The following ADGRF3 variants were observed in gnomAD, a reference collection of about 807,000 sequenced individuals.
ADGRF3 encodes adhesion G protein-coupled receptor F3.
A neutral mutation model predicts 93.2 loss-of-function variants in ADGRF3; 85 were observed. The observed-to-expected ratio is 0.91, with a 90% confidence interval of 0.77 to 1.09. The LOEUF is 1.09. ADGRF3 is among the 50% of genes least tolerant of loss of function. The probability of loss-of-function intolerance (pLI) is 0.00; values close to 1 mark genes in which losing one functional copy is unlikely to be tolerated. For synonymous variants in ADGRF3, 534 were observed against 532.5 expected (o/e 1.00, Z -0.04); for missense variants, 1,125 against 1,246.2 (o/e 0.90, Z 1.46).
At position 26,313,483 on chromosome 2, in the gene ADGRF3, C is replaced by T; in HGVS notation, c.1163G>A (p.Ser388Asn). ...GAGCCTCCTCACTATGCCCCTCTTG[C>T]TCTCAGGACATGGGGCCTGTGCCAC... ...GHVAQAPCPE[S>N]KRGIVRRLCG... The change falls in exon 8 of 14, where the codon AGC becomes AAC. Residue 388 changes from serine to asparagine, a missense_variant. Ser to Asn is a conservative substitution (Grantham distance 46). Transcript: ENST00000651242. The T allele has an allele frequency of 6.2e-7, 1 of 1,611,792 alleles. No homozygotes were observed. The highest frequency in any genetic ancestry group is 8.5e-7 in the Non-Finnish European group (1 of 1,179,106).
chr2:26,314,392 G>T, intron 6 of ADGRF3, 22 bp downstream of exon 6: 1 of 1,599,950 alleles, frequency 6.3e-7, no homozygotes, highest in South Asian at 1.1e-5. Context: ...TCTGACCCCT[G>T]ACTGCTGGCC....
chr2:26,332,907 A>G (rs1675848253), intron 1 of ADGRF3, among the ~76,000 whole-genome samples: 1 of 152,112 alleles, frequency 6.6e-6, no homozygotes, highest in Non-Finnish European at 1.5e-5. Context: ...ACTAGCCTCC[A>G]TGGCTAACCC....
intron 13 of ADGRF3, 163 bp downstream of exon 13, chr2:26,309,363 C>A (rs567198942): frequency 2.0e-6 from 3 of 1,485,452 alleles, no homozygotes; most frequent in South Asian, 2.7e-5. Context: ...CGTCTCCCAG[C>A]CATCTAGCAA....
rs540093136 is a variant in ADGRF3, at chr2:26,314,548, G to T, written c.794C>A (p.Ala265Glu). Residue 265 changes from alanine to glutamate, a missense_variant, in exon 6 of 14, where the codon GCG (alanine) becomes GAG (glutamate). By Grantham distance (107) the Ala-to-Glu change is moderately radical (BLOSUM62 -1). Transcript: ENST00000651242. ...LYEVVRVPLK[A>E]TDVARLPYQL... ...GTATGGAAGTCGAGCCACATCTGTC[G>T]CCTTCAAGGGCACCCTCACCACCTC... 1.5e-5 allele frequency: 24 copies of T among 1,613,916 alleles called. No homozygotes were observed. The Admixed American group carries it at 1.5e-4, about 10-fold the overall frequency.
intron 1 of ADGRF3, among the ~76,000 whole-genome samples, chr2:26,345,339 A>C (rs1180372839): frequency 6.6e-6 from 1 of 152,102 alleles, no homozygotes; most frequent in African/African-American, 2.4e-5. Flanking sequence ...GTTATGTAAA[A>C]CACCTCTTGC....
chr2:26,313,889 C>A lies in ADGRF3; in HGVS notation c.943G>T (p.Glu315Ter), dbSNP rs138078667. 2.5e-6 allele frequency: 4 copies of A among 1,613,958 alleles called. No homozygotes were observed. Among genetic ancestry groups the A allele is most frequent in the Non-Finnish European group, 3.4e-6 (4 of 1,179,896 alleles). The change falls in exon 7 of 14, where the codon GAG becomes TAG. Residue 315 changes from glutamate (E) to a stop codon, truncating the protein, a stop_gained. Coordinates refer to ENST00000651242, the MANE Select transcript of ADGRF3 (RefSeq NM_001321971.2). LOFTEE classifies it high-confidence loss of function. ...AGCACAAAGCACTGAGAGCCTGACT[C>A]GTTGAAGGAGGAAGCTGAAGGCAAA... is the stretch of plus-strand genomic sequence containing the variant. ...GEGSKASSFN[E>*]SGSQCFVLAV... is the part of the protein sequence containing the mutation.
In ADGRF3 at chr2:26,318,247, C is replaced by T. The variant is rs192127215; in HGVS notation, c.115-685G>A. 3.7e-3 allele frequency: 2,269 copies of T among 614,438 alleles called. 39 individuals carry two copies. Among genetic ancestry groups the T allele is most frequent in the South Asian group, 0.033 (1,559 of 47,500 alleles). The allele number at this position is 614,438 out of a possible 1,614,324, so 38.1% of individuals were successfully genotyped here. On this transcript the variant is annotated intron_variant, in intron 1 of 13. Transcript: ENST00000651242. ...CCCTGTCTATATGCACCTGCGTGTG[C>T]GTGTGGATATCTATCCAAAACCAGA...
In ADGRF3 at chr2:26,316,897, C is replaced by T; in HGVS notation, c.325+15G>A. On this transcript the variant is annotated intron_variant, in intron 3 of 13. Transcript: ENST00000651242. ...TGTTCATTCACTCTCAGCCCCCTTC[C>T]CACGCAAGTGGTACCTGTTGTGAGT... 1 of 1,590,670 alleles carries T rather than the reference C, an allele frequency of 6.3e-7. No individual in the cohort carries two copies. Among genetic ancestry groups the T allele is most frequent in the South Asian group, 1.1e-5 (1 of 88,260 alleles).
At chr2:26,309,281 TG>T (rs1432916075) in intron 13 of ADGRF3, 174 bp from the exon 14 acceptor site, 1 of 1,550,918 alleles carries the variant, frequency 6.4e-7, no homozygotes, top group Non-Finnish European at 8.7e-7. Context: ...CAAGGACTGG[TG>T]GTGGTGAAAC....
intron 1 of ADGRF3, among the ~76,000 whole-genome samples, chr2:26,324,535 C>T (rs1675338384): frequency 6.6e-6 from 1 of 152,116 alleles, no homozygotes; most frequent in Non-Finnish European, 1.5e-5. Flanking sequence ...CATGTGTTTT[C>T]ATCATTTAGC....
At chr2:26,341,508 C>T (rs886136760) in intron 1 of ADGRF3, among the ~76,000 whole-genome samples, 1 of 152,170 alleles carries the variant, frequency 6.6e-6, no homozygotes, top group South Asian at 2.1e-4. Flanking sequence ...ATTGCGTAGA[C>T]TTTTTCTGTG....
chr2:26,329,620 A>G (rs549493251), intron 1 of ADGRF3, among the ~76,000 whole-genome samples: 1 of 152,358 alleles, frequency 6.6e-6, no homozygotes, highest in African/African-American at 2.4e-5. Flanking sequence ...AACACATTAC[A>G]TTACATAATA....
Position 26,346,408 on chromosome 2 carries a change from C to A in ADGRF3, c.-174G>T. ...GCGTGGCTCCGGGCGGGCTGGCGGG[C>A]GTTCCTCCGGAGGTCCTGCGGGTCC... is the stretch of plus-strand genomic sequence containing the variant. On this transcript the variant is annotated 5_prime_UTR_variant, in exon 1 of 14. Transcript: ENST00000651242. 2 of 1,277,382 alleles carry A rather than the reference C, an allele frequency of 1.6e-6. No homozygotes were observed. The highest frequency in any genetic ancestry group is 2.1e-6 in the Non-Finnish European group (2 of 969,764). 79.1% of individuals were successfully genotyped at this position (1,277,382 alleles called of 1,614,324 possible). A position where few individuals can be genotyped will look rare whatever the true frequency, so the allele number is the denominator to read the frequency against.
At chr2:26,326,579 T>G (rs1285791001) in intron 1 of ADGRF3, among the ~76,000 whole-genome samples, 1 of 152,136 alleles carries the variant, frequency 6.6e-6, no homozygotes, top group East Asian at 1.9e-4. Context: ...GTAAGTAGAT[T>G]TTATAAAGTC....
At position 26,311,833 on chromosome 2, in the gene ADGRF3, G is replaced by A; in HGVS notation, c.1691C>T (p.Pro564Leu). 1 of 1,613,850 alleles carries A rather than the reference G, an allele frequency of 6.2e-7. No individual in the cohort carries two copies. The highest frequency in any genetic ancestry group is 8.5e-7 in the Non-Finnish European group (1 of 1,179,814). ...GTGCCTGGGAATCTGAGCCTGCAGTGGGGGCCGAGTAGGGAAGGAGATGCT... is the reference window on the plus strand; with the variant it reads ...GTGCCTGGGAATCTGAGCCTGCAGTAGGGGCCGAGTAGGGAAGGAGATGCT... ...DYSISFPTRP[P>L]LQAQIPRHSL... Residue 564 changes from proline to leucine, a missense_variant, in exon 10 of 14, where the codon CCA becomes CTA. Pro to Leu is a moderately conservative substitution (Grantham distance 98, BLOSUM62 -3). Coordinates refer to ENST00000651242, the MANE Select transcript of ADGRF3 (RefSeq NM_001321971.2).
chr2:26,345,111 T>A (rs1476322098), intron 1 of ADGRF3, among the ~76,000 whole-genome samples: 2 of 152,178 alleles, frequency 1.3e-5, no homozygotes, highest in Non-Finnish European at 2.9e-5. Context: ...CCGAGCTTCG[T>A]AACTAAGTGA....
intron 1 of ADGRF3, among the ~76,000 whole-genome samples, chr2:26,341,248 G>T (rs1256196101): frequency 6.6e-6 from 1 of 152,038 alleles, no homozygotes; most frequent in Non-Finnish European, 1.5e-5. Context: ...GCATGGTGGC[G>T]GGCGCCTGTA....
chr2:26,338,284 T>C (rs1275358821), intron 1 of ADGRF3, among the ~76,000 whole-genome samples: 7 of 151,810 alleles, frequency 4.6e-5, no homozygotes, highest in Non-Finnish European at 8.8e-5. Flanking sequence ...GAGGCCAAGG[T>C]GGGAGGATTG....
At chr2:26,312,846 G>T in intron 9 of ADGRF3, 97 bp downstream of exon 9, 2 of 1,170,750 alleles carry the variant, frequency 1.7e-6, no homozygotes, top group Non-Finnish European at 2.4e-6. Context: ...CTGCCCAACA[G>T]CCCATGGTGA....
Sources: allele counts gnomAD v4.1 joint callset (sites outside exome capture counted in the v4.1 genomes callset), GRCh38; gene constraint gnomAD v4.1.1; transcripts MANE v1.5; gene names NCBI Gene and HGNC (gene_info 2026-07-23, HGNC 2026-07-21).